Variants in SHISA9 observed in about 807,000 individuals in gnomAD.
The protein encoded by SHISA9 is shisa family member 9, also known as protein shisa-9.
In SHISA9, 13 loss-of-function variants were observed where a neutral mutation model predicts 38.0. The observed-to-expected ratio is 0.34, with a 90% CI of 0.22 to 0.54. SHISA9 has a LOEUF of 0.54. Ranked by LOEUF, SHISA9 falls within the 20% of genes least tolerant of loss-of-function variation. SHISA9 has a pLI of 0.91. For missense variants in SHISA9, 538 were observed against 575.8 expected, an observed-to-expected ratio of 0.93 and a Z score of 0.67; for synonymous variants, 275 against 242.0, an observed-to-expected ratio of 1.14 and a Z score of -1.27.
At chr16:13,161,240 G>C (rs2050592494) in intron 2 of SHISA9, among the ~76,000 whole-genome samples, 1 of 152,100 alleles carries the variant, frequency 6.6e-6, no homozygotes, top group Admixed American at 6.5e-5. Context: ...GAGTCAAAAG[G>C]CGTGGTGAGC....
At chr16:13,214,832 C>T (rs952508106) in intron 4 of SHISA9, among the ~76,000 whole-genome samples, 3 of 152,188 alleles carry the variant, frequency 2.0e-5, no homozygotes, top group East Asian at 1.9e-4. Context: ...AAAGACCCAC[C>T]TCCATAATTC....
At chr16:13,532,031 C>T in the SHISA9 span, among the ~76,000 whole-genome samples, 1 of 152,306 alleles carries the variant, frequency 6.6e-6, no homozygotes, top group East Asian at 1.9e-4. Flanking sequence ...ATCCCCTTTT[C>T]TGCCTCCCCT....
chr16:13,212,502 A>G (rs929119851), intron 3 of SHISA9, among the ~76,000 whole-genome samples: 1 of 152,234 alleles, frequency 6.6e-6, no homozygotes, highest in Non-Finnish European at 1.5e-5. Flanking sequence ...AGGGAATTCA[A>G]TTCGGATAAA....
chr16:13,096,746 C>T (rs979966013), intron 2 of SHISA9, among the ~76,000 whole-genome samples: 1 of 152,118 alleles, frequency 6.6e-6, no homozygotes, highest in Non-Finnish European at 1.5e-5. Flanking sequence ...TCGCTCAGTT[C>T]CACCTTCTTG....
chr16:13,039,126 C>G (rs930748744), intron 2 of SHISA9, among the ~76,000 whole-genome samples: 1 of 152,188 alleles, frequency 6.6e-6, no homozygotes, highest in Admixed American at 6.5e-5. Flanking sequence ...CCAGGCTGGT[C>G]TCGAACTCCT....
intron 2 of SHISA9, among the ~76,000 whole-genome samples, chr16:12,970,258 G>A (rs1428905077): frequency 2.8e-5 from 4 of 141,808 alleles, no homozygotes; most frequent in African/African-American, 1.0e-4. Flanking sequence ...AGTATGGGCT[G>A]GAAAAACTGG....
chr16:13,530,553 CAAT>C, the SHISA9 span, among the ~76,000 whole-genome samples: 1 of 152,024 alleles, frequency 6.6e-6, no homozygotes, highest in African/African-American at 2.4e-5. Context: ...GTAGCAATGA[CAAT>C]AAGTATGATG....
chr16:13,327,189 C>G, the SHISA9 span, among the ~76,000 whole-genome samples: 1 of 152,170 alleles, frequency 6.6e-6, no homozygotes, highest in African/African-American at 2.4e-5. Context: ...ACCAGCCTTT[C>G]TCCCTGCCCG....
At chr16:13,334,773 CA>C in the SHISA9 span, among the ~76,000 whole-genome samples, 2,952 of 97,608 alleles carry the variant, frequency 0.03, 81 homozygotes, top group African/African-American at 0.1. Flanking sequence ...GACTCCATCT[CA>C]AAAAAAAAAA....
At chr16:13,016,285 C>T (rs1264559394) in intron 2 of SHISA9, among the ~76,000 whole-genome samples, 1 of 152,020 alleles carries the variant, frequency 6.6e-6, no homozygotes, top group Non-Finnish European at 1.5e-5. Context: ...AAATTAATTT[C>T]TTTAGCTTCT....
At chr16:13,409,367 C>A in the SHISA9 span, among the ~76,000 whole-genome samples, 1 of 152,218 alleles carries the variant, frequency 6.6e-6, no homozygotes, top group Non-Finnish European at 1.5e-5. Flanking sequence ...CACACTGGCC[C>A]TCTGTCCTTG....
At chr16:13,274,535 T>G in the SHISA9 span, among the ~76,000 whole-genome samples, 1 of 152,176 alleles carries the variant, frequency 6.6e-6, no homozygotes, top group Non-Finnish European at 1.5e-5. Flanking sequence ...TTTTAATTAA[T>G]TATTCCAGCC....
the SHISA9 span, among the ~76,000 whole-genome samples, chr16:13,280,488 T>C: frequency 6.6e-6 from 1 of 151,812 alleles, no homozygotes; most frequent in Admixed American, 6.6e-5. Flanking sequence ...TTTTGCTAAA[T>C]TGTATTTTCA....
chr16:13,012,324 C>T (rs1456235346), intron 2 of SHISA9, among the ~76,000 whole-genome samples: 1 of 151,952 alleles, frequency 6.6e-6, no homozygotes, highest in Non-Finnish European at 1.5e-5. Flanking sequence ...GCAGAAGTGA[C>T]CTGGGAGAGG....
chr16:13,151,066 C>T (rs561042336), intron 2 of SHISA9, among the ~76,000 whole-genome samples: 8 of 152,206 alleles, frequency 5.3e-5, no homozygotes, highest in Non-Finnish European at 8.8e-5. Context: ...GAGGTGGGAG[C>T]TCAATGAATG....
intron 1 of SHISA9, among the ~76,000 whole-genome samples, chr16:12,912,704 C>G (rs1427984155): frequency 6.6e-6 from 1 of 152,162 alleles, no homozygotes. Context: ...GGAGCCCAAA[C>G]TTTGATTTCA....
chr16:13,237,585 C>T lies in SHISA9; in HGVS notation c.*2176C>T, dbSNP rs900101621. On this transcript the variant is annotated 3_prime_UTR_variant, in exon 5 of 5. Transcript: ENST00000558583. ...GGCTGAGGCAGGAGAATCGCTTAAA[C>T]TTGGGAGGTTGCAGTGAGCTGAGAC... 6.9e-5 allele frequency: 10 copies of T among 145,400 alleles called. No homozygotes were observed. Among genetic ancestry groups the T allele is most frequent in the African/African-American group, 2.5e-4 (10 of 39,460 alleles). The allele number at this position is 145,400 out of a possible 1,614,324, so 9.0% of individuals were successfully genotyped here.
chr16:13,517,461 G>T, the SHISA9 span, among the ~76,000 whole-genome samples: 5 of 152,310 alleles, frequency 3.3e-5, no homozygotes, highest in African/African-American at 7.2e-5. Context: ...TGCACCACTT[G>T]TATCTCCTGA....
chr16:13,558,908 T>C, the SHISA9 span, among the ~76,000 whole-genome samples: 2 of 152,366 alleles, frequency 1.3e-5, no homozygotes, highest in Middle Eastern at 3.4e-3. Flanking sequence ...CTGTGAATGA[T>C]TGTGAAAGTG....
Sources: gnomAD v4.1 joint callset for allele counts (sites outside exome capture counted in the v4.1 genomes callset) on GRCh38, gnomAD v4.1.1 for gene constraint, MANE v1.5 for transcripts, NCBI Gene and HGNC (gene_info 2026-07-23, HGNC 2026-07-21) for gene names.